The following MED26 variants were observed in gnomAD, a reference collection of about 807,000 sequenced individuals.
MED26 encodes mediator of RNA polymerase II transcription subunit 26.
In MED26, 7 loss-of-function variants were observed where a neutral mutation model predicts 43.7. The observed-to-expected ratio is 0.16, with a 90% CI of 0.09 to 0.30. MED26 has a LOEUF of 0.30. MED26 is among the 10% of genes least tolerant of loss of function. The pLI is 1.00. For synonymous variants in MED26, 375 were observed against 371.1 expected, an observed-to-expected ratio of 1.01 and a Z score of -0.12; for missense variants, 784 against 840.6, an observed-to-expected ratio of 0.93 and a Z score of 0.83.
At chr19:16,624,151 C>T (rs1165319679) in intron 1 of MED26, 2 of 152,032 alleles carry the variant, frequency 1.3e-5, no homozygotes, top group Non-Finnish European at 2.9e-5. Flanking sequence ...TGACATTAGT[C>T]TCTGCTGTCC....
At chr19:16,623,801 T>C (rs2086261903) in intron 1 of MED26, among the ~76,000 whole-genome samples, 2 of 152,178 alleles carry the variant, frequency 1.3e-5, no homozygotes, top group African/African-American at 4.8e-5. Flanking sequence ...TTGAAAGGAC[T>C]CTAAGGACTG....
intron 1 of MED26, among the ~76,000 whole-genome samples, chr19:16,593,537 T>C (rs1302699984): frequency 6.6e-6 from 1 of 152,208 alleles, no homozygotes; most frequent in Non-Finnish European, 1.5e-5. Context: ...AGCAGGGACT[T>C]GATACATGCC....
chr19:16,610,769 T>G (rs1027240308), intron 1 of MED26: 1 of 152,258 alleles, frequency 6.6e-6, no homozygotes, highest in African/African-American at 2.4e-5. Flanking sequence ...ACCCTGTGGA[T>G]GCCACTGTTT....
At chr19:16,602,188 G>A (rs1202476134) in intron 1 of MED26, among the ~76,000 whole-genome samples, 1 of 152,192 alleles carries the variant, frequency 6.6e-6, no homozygotes, top group African/African-American at 2.4e-5. Flanking sequence ...ACCCATTCTG[G>A]GACACCAGTA....
At chr19:16,600,112 G>A (rs972640147) in intron 1 of MED26, among the ~76,000 whole-genome samples, 1 of 152,138 alleles carries the variant, frequency 6.6e-6, no homozygotes, top group Non-Finnish European at 1.5e-5. Flanking sequence ...CCCACCAGGA[G>A]CCCAGGAGCA....
chr19:16,578,234 G>T, intron 2 of MED26, 101 bp downstream of exon 2: 1 of 1,132,480 alleles, frequency 8.8e-7, no homozygotes, highest in Non-Finnish European at 1.3e-6. Flanking sequence ...GTCCTCCGAA[G>T]CAAAGACACT....
intron 1 of MED26, among the ~76,000 whole-genome samples, chr19:16,584,701 A>C (rs1026212421): frequency 6.6e-6 from 1 of 152,222 alleles, no homozygotes; most frequent in Non-Finnish European, 1.5e-5. Context: ...ACAATCTGGA[A>C]TTTGCTACAG....
At chr19:16,615,856 C>T (rs191344742) in intron 1 of MED26, among the ~76,000 whole-genome samples, 1 of 152,168 alleles carries the variant, frequency 6.6e-6, no homozygotes, top group African/African-American at 2.4e-5. Flanking sequence ...CCTGGACAGG[C>T]TGCCTCCAGG....
Position 16,575,865 on chromosome 19 carries a change from G to C in MED26, c.*162C>G. ...TCACAAAAAGAGTTTTGAGGGAAGA[G>C]CGCAGAGAGACCGCGTGACTCCCGC... is the stretch of plus-strand genomic sequence containing the variant. On this transcript the variant is annotated 3_prime_UTR_variant, in exon 3 of 3. Transcript: ENST00000263390. The C allele has an allele frequency of 1.6e-6, 1 of 629,190 alleles. No homozygotes were observed. 39.0% of individuals were successfully genotyped at this position (629,190 alleles called of 1,614,324 possible). A position where few individuals can be genotyped will look rare whatever the true frequency, so the allele number is the denominator to read the frequency against.
Position 16,576,552 on chromosome 19 carries a change from G to C in MED26, c.1278C>G (p.Thr426=). 6.2e-7 allele frequency: 1 copy of C among 1,614,222 alleles called. No homozygotes were observed. ...TGATCTGTCTCGTCATGGGGTCAAA[G>C]GTGAGCTTCCGCTCTTTTAACCGGA... The part of the protein sequence containing the change: ...KPVRLKERKL[T]FDPMTRQIKP... Residue 426 remains threonine, a synonymous_variant, in exon 3 of 3, where the codon ACC becomes ACG. Coordinates refer to ENST00000263390, the MANE Select transcript of MED26 (RefSeq NM_004831.5). The surrounding 1 kb of genome is among the most constrained non-coding windows in gnomAD (Gnocchi z 6.8).
intron 1 of MED26, among the ~76,000 whole-genome samples, chr19:16,598,919 T>TAA (rs142001834): frequency 1.3e-5 from 2 of 151,748 alleles, no homozygotes; most frequent in East Asian, 1.9e-4. Flanking sequence ...ACAAAAGTAA[T>TAA]AAAAAAAACA....
intron 1 of MED26, among the ~76,000 whole-genome samples, chr19:16,582,472 C>G (rs913319746): frequency 3.3e-5 from 5 of 152,242 alleles, no homozygotes; most frequent in African/African-American, 1.2e-4. Flanking sequence ...TGGTGCTGGT[C>G]CCATAGGAGC....
Position 16,602,516 on chromosome 19 carries a change from A to G in MED26, c.73-24107T>C, listed in dbSNP as rs563388892. On this transcript the variant is annotated intron_variant, in intron 1 of 2. Transcript: ENST00000263390. The stretch of plus-strand genomic sequence containing the variant: ...GTATGTACCCAAAAGAACCGAAAGC[A>G]GGGACGTGGACAGACATTTACACAC... Among the ~76,000 whole-genome samples, 6 of 152,372 alleles carry G rather than the reference A, an allele frequency of 3.9e-5. No individual in the cohort carries two copies. In the East Asian group the frequency reaches 1.2e-3, roughly 29 times the overall value.
intron 1 of MED26, among the ~76,000 whole-genome samples, chr19:16,594,974 G>C (rs954270161): frequency 6.6e-6 from 1 of 152,248 alleles, no homozygotes. Flanking sequence ...GCAGTTCCTC[G>C]AATCCAGGGC....
chr19:16,585,559 C>T (rs1423611518), intron 1 of MED26, among the ~76,000 whole-genome samples: 2 of 152,202 alleles, frequency 1.3e-5, no homozygotes, highest in African/African-American at 4.8e-5. Context: ...TCCCTCCCAT[C>T]TGCGATCCAC....
intron 1 of MED26, among the ~76,000 whole-genome samples, chr19:16,622,951 C>T (rs913013573): frequency 2.0e-4 from 30 of 152,132 alleles, no homozygotes; most frequent in African/African-American, 7.2e-4. Flanking sequence ...GAGACCTTGG[C>T]GCCCTTAAGC....
chr19:16,594,365 A>G (rs1188294187), intron 1 of MED26, among the ~76,000 whole-genome samples: 1 of 152,226 alleles, frequency 6.6e-6, no homozygotes, highest in Non-Finnish European at 1.5e-5. Flanking sequence ...GTCAAGCCCC[A>G]AGTGGGGTGG....
chr19:16,621,052 CAT>C (rs2086249323), intron 1 of MED26, among the ~76,000 whole-genome samples: 2 of 152,118 alleles, frequency 1.3e-5, no homozygotes, highest in South Asian at 2.1e-4. Context: ...CAAAATGTAA[CAT>C]GTGAAAACAC....
chr19:16,578,294 C>G (rs200572443), intron 2 of MED26, 41 bp downstream of exon 2: 19 of 1,582,786 alleles, frequency 1.2e-5, no homozygotes, highest in Non-Finnish European at 1.6e-5. Context: ...TCCCCTGCCC[C>G]CCGTTCTGCC....
Sources: allele counts gnomAD v4.1 joint callset (sites outside exome capture counted in the v4.1 genomes callset), GRCh38; gene constraint gnomAD v4.1.1; non-coding constraint Gnocchi (gnomAD v3.1); transcripts MANE v1.5; gene names NCBI Gene and HGNC (gene_info 2026-07-23, HGNC 2026-07-21).